COG5: variants seen among roughly 807,000 people sequenced by gnomAD.
COG5 encodes conserved oligomeric Golgi complex subunit 5.
A neutral mutation model predicts 110.4 loss-of-function variants in COG5; 86 were observed. That is an observed-to-expected ratio of 0.78 (90% CI 0.65 to 0.93). The LOEUF (loss-of-function observed/expected upper bound fraction) is 0.93. Among genes scored for constraint, COG5 ranks in the 40% least tolerant of loss-of-function variants. The probability of loss-of-function intolerance (pLI) is 0.00; values close to 1 mark genes in which losing one functional copy is unlikely to be tolerated. For missense variants in COG5, 1,077 were observed against 987.0 expected (o/e 1.09, Z -1.22); for synonymous variants, 360 against 334.6 (o/e 1.08, Z -0.83).
intron 11 of COG5, among the ~76,000 whole-genome samples, chr7:107,301,199 C>G (rs1332820437): frequency 6.6e-6 from 1 of 152,066 alleles, no homozygotes; most frequent in East Asian, 1.9e-4. Context: ...CTTTTCTGTC[C>G]TTGAGTTAGA....
intron 6 of COG5, among the ~76,000 whole-genome samples, chr7:107,492,396 C>A (rs1002980731): frequency 6.6e-6 from 1 of 152,036 alleles, no homozygotes; most frequent in African/African-American, 2.4e-5. Context: ...AAATTTGTTA[C>A]CTTATAGCTC....
In COG5 at chr7:107,346,002, T is replaced by A. The variant is rs1251718525; in HGVS notation, c.1026+16031A>T. ...GTATAATACTCATGCATTAATTATA[T>A]AACAGAACCAATAATATCTTTCACT... On this transcript the variant is annotated intron_variant, in intron 10 of 21. Transcript: ENST00000297135. Among the ~76,000 whole-genome samples the A allele has an allele frequency of 5.3e-5, 8 of 152,226 alleles. No individual in the cohort carries two copies. In the South Asian group the frequency reaches 1.7e-3, roughly 31 times the overall value.
At chr7:107,399,133 T>C (rs1379985597) in intron 7 of COG5, among the ~76,000 whole-genome samples, 1 of 151,948 alleles carries the variant, frequency 6.6e-6, no homozygotes, top group African/African-American at 2.4e-5. Context: ...TTCCAGGAGA[T>C]GGAGGTTGCA....
chr7:107,513,939 C>T (rs552124044), intron 6 of COG5, among the ~76,000 whole-genome samples: 37 of 152,004 alleles, frequency 2.4e-4, no homozygotes, highest in Non-Finnish European at 4.9e-4. Flanking sequence ...AGGAGATATA[C>T]CTAATGCTAA....
chr7:107,348,765 C>T (rs982886922), intron 10 of COG5, among the ~76,000 whole-genome samples: 2 of 152,118 alleles, frequency 1.3e-5, no homozygotes, highest in Non-Finnish European at 2.9e-5. Flanking sequence ...GTAAGTTGCA[C>T]ACATCATGGC....
chr7:107,223,087 G>A (rs1800066793), intron 19 of COG5, among the ~76,000 whole-genome samples: 1 of 152,156 alleles, frequency 6.6e-6, no homozygotes, highest in Admixed American at 6.5e-5. Context: ...CATGCCACTT[G>A]CCATCACCCC....
chr7:107,412,689 G>T (rs1176429873), intron 6 of COG5, 57 bp from the exon 7 acceptor site: 57 of 1,003,254 alleles, frequency 5.7e-5, no homozygotes, highest in East Asian at 1.7e-4. Context: ...AAATATCAAG[G>T]TATCAAAATA....
At chr7:107,251,526 TTC>T (rs1342070269) in intron 16 of COG5, among the ~76,000 whole-genome samples, 4 of 152,182 alleles carry the variant, frequency 2.6e-5, no homozygotes, top group African/African-American at 9.7e-5. Context: ...CAACATTTAA[TTC>T]TGTTATCAGA....
intron 19 of COG5, among the ~76,000 whole-genome samples, chr7:107,227,262 C>T (rs1348541783): frequency 2.6e-5 from 4 of 152,162 alleles, no homozygotes; most frequent in Non-Finnish European, 1.5e-5. Context: ...ATGAACCATA[C>T]ATATGGGTGT....
At position 107,541,496 on chromosome 7, in the gene COG5, CAAAAAAAAAA is replaced by C. The variant is rs869244428; in HGVS notation, c.417+6605_417+6614del. 2.9e-3 allele frequency among the ~76,000 whole-genome samples: 93 copies of C among 31,840 alleles called. 1 individual carries two copies. The highest frequency in any genetic ancestry group is 7.7e-3 in the African/African-American group (45 of 5,882). The allele number at this position is 31,840 out of a possible 152,430, so 20.9% of individuals were successfully genotyped here. ...TGGGCAACAGAGTGAGACCCTGTCT[CAAAAAAAAAA>C]AAAAAAAAAAAAAAAAAATATATAT... On this transcript the variant is annotated intron_variant, in intron 5 of 21. Transcript: ENST00000297135.
chr7:107,222,455 C>T (rs1346501654), intron 19 of COG5, among the ~76,000 whole-genome samples: 1 of 152,188 alleles, frequency 6.6e-6, no homozygotes, highest in Admixed American at 6.5e-5. Context: ...CCGCCCACCT[C>T]GGCCTTCCAA....
intron 6 of COG5, among the ~76,000 whole-genome samples, chr7:107,504,730 G>A (rs1798858217): frequency 6.6e-6 from 1 of 152,082 alleles, no homozygotes; most frequent in Non-Finnish European, 1.5e-5. Flanking sequence ...AATCTAGGAG[G>A]GTTGTATGTT....
At chr7:107,543,701 C>A (rs182887514) in intron 5 of COG5, among the ~76,000 whole-genome samples, 1 of 152,104 alleles carries the variant, frequency 6.6e-6, no homozygotes, top group African/African-American at 2.4e-5. Context: ...AGGTCTGCCC[C>A]GCATCAGGTT....
At chr7:107,400,044 C>A in intron 7 of COG5, among the ~76,000 whole-genome samples, 1 of 146,682 alleles carries the variant, frequency 6.8e-6, no homozygotes. Flanking sequence ...AAAAATCTAA[C>A]CTTTTTTTTT....
intron 7 of COG5, among the ~76,000 whole-genome samples, chr7:107,382,731 A>G (rs915162144): frequency 9.9e-5 from 15 of 152,222 alleles, no homozygotes; most frequent in Admixed American, 8.5e-4. Flanking sequence ...GAGCCACCGC[A>G]CCCAGCCTAA....
chr7:107,461,219 C>T (rs963144954), intron 6 of COG5, among the ~76,000 whole-genome samples: 1 of 151,640 alleles, frequency 6.6e-6, no homozygotes, highest in Non-Finnish European at 1.5e-5. Context: ...TACAACCATG[C>T]AATATCTAAA....
chr7:107,356,879 T>C (rs930274248), intron 10 of COG5, among the ~76,000 whole-genome samples: 3 of 152,044 alleles, frequency 2.0e-5, no homozygotes, highest in Non-Finnish European at 4.4e-5. Flanking sequence ...GGATATATCC[T>C]TCTTAAATAT....
chr7:107,563,737 C>T, intron 1 of COG5, 66 bp downstream of exon 1: 2 of 1,574,472 alleles, frequency 1.3e-6, no homozygotes, highest in Non-Finnish European at 1.7e-6. Flanking sequence ...GGGTCCACCT[C>T]GCTGTCCAGG....
intron 19 of COG5, among the ~76,000 whole-genome samples, chr7:107,227,644 T>C (rs1390496647): frequency 2.0e-5 from 3 of 150,742 alleles, no homozygotes; most frequent in African/African-American, 7.3e-5. Context: ...ACTTTAAGAG[T>C]GCTTACATGA....
Sources: gnomAD v4.1 joint callset for allele counts (sites outside exome capture counted in the v4.1 genomes callset) on GRCh38, gnomAD v4.1.1 for gene constraint, MANE v1.5 for transcripts, NCBI Gene and HGNC (gene_info 2026-07-23, HGNC 2026-07-21) for gene names.